ARHGEF11: variants seen among roughly 807,000 people sequenced by gnomAD.
ARHGEF11 encodes the protein Rho guanine exchange factor (GEF) 11.
Under a neutral mutation model 193.7 loss-of-function variants are expected in ARHGEF11, and 55 were observed. The ratio of observed to expected loss-of-function variants is 0.28; its 90% CI spans 0.23 to 0.36. ARHGEF11 has a LOEUF of 0.36. ARHGEF11 is among the 10% of genes least tolerant of loss of function. The pLI, the probability that ARHGEF11 is intolerant of heterozygous loss-of-function variation, is 1.00. For missense variants in ARHGEF11, 1,723 were observed against 2,005.6 expected, an observed-to-expected ratio of 0.86 and a Z score of 2.69; for synonymous variants, 693 against 768.0, an observed-to-expected ratio of 0.90 and a Z score of 1.62.
chr1:156,960,313 T>G, intron 15 of ARHGEF11, 105 bp downstream of exon 15: 3 of 1,113,476 alleles, frequency 2.7e-6, no homozygotes, highest in Non-Finnish European at 4.0e-6. Context: ...ACAGGACGGT[T>G]GCCCAAGGAC....
chr1:157,017,577 C>A, intron 1 of ARHGEF11, among the ~76,000 whole-genome samples: 1 of 151,644 alleles, frequency 6.6e-6, no homozygotes, highest in East Asian at 1.9e-4. Context: ...CGTGGTGGCA[C>A]GCACCTGTAA....
intron 37 of ARHGEF11, chr1:156,939,131 G>C (rs746009161): frequency 4.1e-6 from 1 of 244,600 alleles, no homozygotes. Context: ...GTTGCCTGGC[G>C]TGAGGGGCTG....
intron 7 of ARHGEF11, among the ~76,000 whole-genome samples, chr1:156,973,879 A>G (rs1227203699): frequency 6.6e-6 from 1 of 152,196 alleles, no homozygotes; most frequent in Non-Finnish European, 1.5e-5. Context: ...ATCTACTGCA[A>G]TAGCCTCCTC....
chr1:157,035,817 T>C (rs929316507), intron 1 of ARHGEF11, among the ~76,000 whole-genome samples: 10 of 594 alleles, frequency 0.017, no homozygotes, highest in South Asian at 0.083. Flanking sequence ...AATATATATA[T>C]AGGAATATAT....
At chr1:156,977,475 C>G (rs192326896) in intron 6 of ARHGEF11, among the ~76,000 whole-genome samples, 1 of 152,122 alleles carries the variant, frequency 6.6e-6, no homozygotes, top group Non-Finnish European at 1.5e-5. Context: ...TGCATTGGCA[C>G]GATCATGGCT....
At chr1:156,965,727 ATTC>A (rs1661591341) in intron 11 of ARHGEF11, among the ~76,000 whole-genome samples, 1 of 152,288 alleles carries the variant, frequency 6.6e-6, no homozygotes, top group South Asian at 2.1e-4. Flanking sequence ...GGTCACATGT[ATTC>A]TTCTTTTGCA....
intron 8 of ARHGEF11, among the ~76,000 whole-genome samples, chr1:156,970,325 GA>G (rs1381761490): frequency 7.2e-5 from 11 of 152,110 alleles, no homozygotes; most frequent in Admixed American, 6.5e-4. Flanking sequence ...TTGGATACAA[GA>G]AAGAACTTCT....
chr1:157,036,159 G>GAA (rs1491351181), intron 1 of ARHGEF11, among the ~76,000 whole-genome samples: 4 of 135,714 alleles, frequency 2.9e-5, no homozygotes, highest in Non-Finnish European at 6.3e-5. Flanking sequence ...ATACATATAT[G>GAA]AATATATATA....
intron 1 of ARHGEF11, among the ~76,000 whole-genome samples, chr1:157,022,693 T>C (rs1670139154): frequency 6.6e-6 from 1 of 152,138 alleles, no homozygotes; most frequent in Non-Finnish European, 1.5e-5. Context: ...TATGGAAATA[T>C]AAGTGACCCA....
At chr1:157,046,668 A>T (rs1320658372), upstream of ARHGEF11, among the ~76,000 whole-genome samples, 1 of 152,156 alleles carries the variant, frequency 6.6e-6, no homozygotes, top group Non-Finnish European at 1.5e-5. Flanking sequence ...GCCTTTCCAG[A>T]GCAATTCTAT....
intron 1 of ARHGEF11, among the ~76,000 whole-genome samples, chr1:157,007,914 T>G (rs201029783): frequency 0.01 from 73 of 7,300 alleles, no homozygotes; most frequent in South Asian, 0.028. Context: ...TTTTTTTTTG[T>G]TTTTTTTTTT....
At chr1:156,945,462 A>G in intron 29 of ARHGEF11, 1 of 492,752 alleles carries the variant, frequency 2.0e-6, no homozygotes. Context: ...CCAGCTCTAC[A>G]GATGCAAGGG....
chr1:156,945,316 G>T, intron 29 of ARHGEF11, 119 bp from the exon 30 acceptor site: 1 of 1,157,682 alleles, frequency 8.6e-7, no homozygotes, highest in Non-Finnish European at 1.2e-6. Context: ...GCAGGCGTGG[G>T]TGGAGGGGAG....
At chr1:157,011,539 G>GAAA (rs758782835) in intron 1 of ARHGEF11, among the ~76,000 whole-genome samples, 1 of 152,126 alleles carries the variant, frequency 6.6e-6, no homozygotes, top group Admixed American at 6.5e-5. Context: ...TCAAGAAAGT[G>GAAA]AAAAGACAGC....
chr1:156,961,828 T>C (rs1024237343), intron 13 of ARHGEF11, 53 bp from the exon 14 acceptor site: 10 of 1,554,356 alleles, frequency 6.4e-6, no homozygotes, highest in East Asian at 2.2e-5. Flanking sequence ...AGCAGTGATT[T>C]TGCCCCCTAG....
intron 1 of ARHGEF11, among the ~76,000 whole-genome samples, chr1:157,036,137 A>G (rs1671996343): frequency 6.9e-6 from 1 of 144,906 alleles, no homozygotes; most frequent in Non-Finnish European, 1.5e-5. Flanking sequence ...AAATATATAT[A>G]TGAATATATG....
At chr1:156,987,553 A>G (rs1665110303) in intron 1 of ARHGEF11, among the ~76,000 whole-genome samples, 1 of 152,214 alleles carries the variant, frequency 6.6e-6, no homozygotes, top group Non-Finnish European at 1.5e-5. Context: ...GTTGTCTCTG[A>G]GGAGGGAAAC....
intron 1 of ARHGEF11, among the ~76,000 whole-genome samples, chr1:156,990,694 C>A (rs1021305563): frequency 7.0e-6 from 1 of 143,052 alleles, no homozygotes; most frequent in Non-Finnish European, 1.5e-5. Flanking sequence ...TAGTCTATTA[C>A]CCTTTAAAAA....
chr1:156,961,846 T>C (rs1660905810), intron 13 of ARHGEF11, 71 bp from the exon 14 acceptor site: 5 of 1,378,898 alleles, frequency 3.6e-6, no homozygotes, highest in East Asian at 2.3e-5. Context: ...TAGGGGACGT[T>C]TGGCCATGTC....
Sources: gnomAD v4.1 joint callset for allele counts (sites outside exome capture counted in the v4.1 genomes callset) on GRCh38, gnomAD v4.1.1 for gene constraint, MANE v1.5 for transcripts, NCBI Gene and HGNC (gene_info 2026-07-23, HGNC 2026-07-21) for gene names.